Variants in LAMB4 observed in about 807,000 individuals in gnomAD.
The protein encoded by LAMB4 is laminin subunit beta 4, also known as laminin subunit beta-4.
In LAMB4, 196 loss-of-function variants were observed where a neutral mutation model predicts 199.2. That is an observed-to-expected ratio of 0.98 (90% CI 0.88 to 1.11). LAMB4 has a LOEUF of 1.11. LAMB4 is among the 50% of genes least tolerant of loss of function. LAMB4 has a pLI of 0.00. For missense variants in LAMB4, 2,080 were observed against 2,171.2 expected (o/e 0.96, Z 0.83); for synonymous variants, 744 against 770.6 (o/e 0.97, Z 0.57).
At chr7:108,083,616 T>A (rs917037834) in intron 14 of LAMB4, among the ~76,000 whole-genome samples, 1 of 152,200 alleles carries the variant, frequency 6.6e-6, no homozygotes, top group Non-Finnish European at 1.5e-5. Flanking sequence ...CCCTTAAAGA[T>A]GCAGCTGAAG....
chr7:108,014,997 C>G, the LAMB4 span, among the ~76,000 whole-genome samples: 1 of 152,048 alleles, frequency 6.6e-6, no homozygotes, highest in Non-Finnish European at 1.5e-5. Flanking sequence ...GTCAGGATTA[C>G]AGATGTGAGC....
intron 33 of LAMB4, among the ~76,000 whole-genome samples, chr7:108,025,151 GC>G (rs2150476197): frequency 6.6e-6 from 1 of 152,328 alleles, no homozygotes; most frequent in African/African-American, 2.4e-5. Context: ...CAGATTCAGG[GC>G]ATGTGCCGTG....
intron 22 of LAMB4, 81 bp from the exon 23 acceptor site, chr7:108,063,075 C>A: frequency 3.8e-6 from 3 of 797,702 alleles, no homozygotes; most frequent in South Asian, 2.3e-5. Context: ...GCGTTTTAGA[C>A]CTGGATGTAT....
chr7:108,095,593 C>T (rs949259719), intron 11 of LAMB4, among the ~76,000 whole-genome samples: 1 of 152,144 alleles, frequency 6.6e-6, no homozygotes, highest in Non-Finnish European at 1.5e-5. Flanking sequence ...GTAGGTGTAG[C>T]TAGTTGTACA....
At chr7:108,129,535 T>C (rs1372560010) in intron 1 of LAMB4, among the ~76,000 whole-genome samples, 2 of 151,164 alleles carry the variant, frequency 1.3e-5, no homozygotes, top group Non-Finnish European at 2.9e-5. Context: ...AACTATAAAG[T>C]TTACTTTTTT....
At chr7:108,020,693 A>T (rs1020229048), downstream of LAMB4, among the ~76,000 whole-genome samples, 3 of 152,094 alleles carry the variant, frequency 2.0e-5, no homozygotes, top group African/African-American at 7.2e-5. Context: ...CTGAAACCAA[A>T]AGTGGAAATG....
At position 108,071,830 on chromosome 7, in the gene LAMB4, T is replaced by C. The variant is rs558776867; in HGVS notation, c.2125-1945A>G. Among the ~76,000 whole-genome samples, 201 of 152,356 alleles carry C rather than the reference T, an allele frequency of 1.3e-3. 1 individual carries two copies. The highest frequency in any genetic ancestry group is 2.3e-3 in the Non-Finnish European group (159 of 68,030). ...CACTCTTGCCACACCCAATTCATTT[T>C]CTACACTAAAGTCAGAGTGATCTTT... is the stretch of plus-strand genomic sequence containing the variant. On this transcript the variant is annotated intron_variant, in intron 17 of 33. Coordinates refer to ENST00000388781, the MANE Select transcript of LAMB4 (RefSeq NM_007356.3).
At chr7:108,013,971 A>C in the LAMB4 span, among the ~76,000 whole-genome samples, 55,547 of 151,602 alleles carry the variant, frequency 0.37, 11,416 homozygotes, top group African/African-American at 0.58. Flanking sequence ...AAAGTATGTA[A>C]CTCATGTATA....
chr7:108,043,939 T>G, intron 28 of LAMB4, 43 bp from the exon 29 acceptor site: 1 of 1,529,108 alleles, frequency 6.5e-7, no homozygotes, highest in Admixed American at 2.2e-5. Context: ...GACAATATAC[T>G]CAACAAAGTC....
chr7:108,019,258 C>A (rs1003544725), downstream of LAMB4, among the ~76,000 whole-genome samples: 2 of 152,058 alleles, frequency 1.3e-5, no homozygotes, highest in East Asian at 3.9e-4. Context: ...GGACAACTTA[C>A]CTTCCTCAGC....
intron 29 of LAMB4, among the ~76,000 whole-genome samples, chr7:108,043,422 T>A (rs1250897572): frequency 2.6e-5 from 4 of 152,082 alleles, no homozygotes; most frequent in Non-Finnish European, 5.9e-5. Context: ...AAGCTGTAAT[T>A]TTTTGGCACA....
At chr7:108,130,249 C>G (rs1375788396) in intron 1 of LAMB4, 57 bp downstream of exon 1, 1 of 152,148 alleles carries the variant, frequency 6.6e-6, no homozygotes, top group Non-Finnish European at 1.5e-5. Context: ...AATTCTAATA[C>G]CTTCATTTAA....
At chr7:108,126,648 T>G (rs2038796808) in intron 1 of LAMB4, among the ~76,000 whole-genome samples, 1 of 139,360 alleles carries the variant, frequency 7.2e-6, no homozygotes, top group East Asian at 2.3e-4. Flanking sequence ...CACTGCAAGC[T>G]CCGCTTCCCG....
At chr7:108,059,338 G>A (rs1435831133) in intron 23 of LAMB4, among the ~76,000 whole-genome samples, 1 of 151,814 alleles carries the variant, frequency 6.6e-6, no homozygotes, top group Non-Finnish European at 1.5e-5. Flanking sequence ...CCATTGTTAT[G>A]TGTCCTTACG....
At chr7:108,077,187 G>A in intron 16 of LAMB4, 123 bp from the exon 17 acceptor site, 5 of 930,616 alleles carry the variant, frequency 5.4e-6, no homozygotes, top group Non-Finnish European at 8.2e-6. Flanking sequence ...TGGGGCTGAG[G>A]CCAGTGTAGG....
chr7:108,091,631 G>A lies in LAMB4; in HGVS notation c.1696C>T (p.Pro566Ser). ...AAAGTAAATGAAATACGAACCAAAG[G>A]CGCCAGTCCTTGGAGTGTTGTGGCT... ...EEATTLQGLA[P>S]LGSETFGQSP... Residue 566 changes from proline (P) to serine (S), a missense_variant, in exon 14 of 34, where the codon CCT (proline) becomes TCT (serine). Physicochemically the swap from Pro to Ser is moderately conservative, Grantham distance 74 (BLOSUM62 -1). Transcript: ENST00000388781. 6.2e-7 allele frequency: 1 copy of A among 1,612,814 alleles called. No individual in the cohort carries two copies. The highest frequency in any genetic ancestry group is 8.5e-7 in the Non-Finnish European group (1 of 1,179,612).
intron 33 of LAMB4, among the ~76,000 whole-genome samples, chr7:108,028,811 T>A (rs539723555): frequency 6.6e-6 from 1 of 152,276 alleles, no homozygotes; most frequent in South Asian, 2.1e-4. Flanking sequence ...AAAGGAAATC[T>A]CAGTTTGTTT....
chr7:108,105,945 A>T lies in LAMB4; in HGVS notation c.742T>A (p.Ser248Thr), dbSNP rs1489125365. ...AGAGCATAGTAGTATTTATCAAGGG[A>T]ATCATTTTGCCTCCTTCCAAGCAAA... ...DALLGRRQNDSLDKYYYALYE... is the reference protein window; with the variant it reads ...DALLGRRQNDTLDKYYYALYE... Residue 248 changes from serine (S) to threonine (T), a missense_variant, in exon 8 of 34, where the codon TCC becomes ACC. Physicochemically the swap from Ser to Thr is moderately conservative, Grantham distance 58. Transcript: ENST00000388781. 6.2e-7 allele frequency: 1 copy of T among 1,614,194 alleles called. No individual in the cohort carries two copies. Among genetic ancestry groups the T allele is most frequent in the South Asian group, 1.1e-5 (1 of 91,080 alleles).
chr7:108,078,119 C>T, intron 16 of LAMB4, 82 bp downstream of exon 16: 1 of 892,358 alleles, frequency 1.1e-6, no homozygotes, highest in East Asian at 2.6e-5. Context: ...TCTTTCTCCA[C>T]TTAGTTCCCA....
Sources: allele counts gnomAD v4.1 joint callset (sites outside exome capture counted in the v4.1 genomes callset), GRCh38; gene constraint gnomAD v4.1.1; transcripts MANE v1.5; gene names NCBI Gene and HGNC (gene_info 2026-07-23, HGNC 2026-07-21).